Variants in RALYL observed in about 807,000 individuals in gnomAD.
RALYL encodes the protein RALY RNA binding protein like.
In RALYL, 29 loss-of-function variants were observed where a neutral mutation model predicts 35.1. The ratio of observed to expected loss-of-function variants is 0.83; its 90% CI spans 0.61 to 1.13. RALYL has a LOEUF of 1.13. RALYL is among the 50% of genes most tolerant of loss of function. The pLI, the probability that RALYL is intolerant of heterozygous loss-of-function variation, is 0.00. For synonymous variants in RALYL, 120 were observed against 127.6 expected (o/e 0.94, Z 0.40); for missense variants, 359 against 360.4 (o/e 1.00, Z 0.03).
chr8:84,289,484 T>G (rs1838336762), intron 1 of RALYL, among the ~76,000 whole-genome samples: 1 of 152,118 alleles, frequency 6.6e-6, no homozygotes, highest in African/African-American at 2.4e-5. Context: ...GCTAGGTGAG[T>G]GCAAGAATGT....
At chr8:84,484,274 C>A (rs1020727142) in intron 1 of RALYL, among the ~76,000 whole-genome samples, 1 of 151,956 alleles carries the variant, frequency 6.6e-6, no homozygotes, top group South Asian at 2.1e-4. Context: ...CTAAGAAAAC[C>A]ACAGCAAGAA....
chr8:84,404,566 G>T (rs558754024), intron 1 of RALYL, among the ~76,000 whole-genome samples: 8 of 152,100 alleles, frequency 5.3e-5, no homozygotes, highest in African/African-American at 1.9e-4. Context: ...TGCTGGATTT[G>T]GTTTGCCAGT....
At chr8:84,404,149 T>C (rs762182282) in intron 1 of RALYL, among the ~76,000 whole-genome samples, 6 of 152,214 alleles carry the variant, frequency 3.9e-5, no homozygotes, top group African/African-American at 9.6e-5. Flanking sequence ...CTCTTCCTAT[T>C]TGAATACGTT....
chr8:84,706,156 C>T (rs767836392), intron 2 of RALYL: 3 of 1,140,758 alleles, frequency 2.6e-6, no homozygotes, highest in Non-Finnish European at 3.8e-6. Flanking sequence ...CAGATACATC[C>T]TGGTAGTAGA....
At chr8:84,292,764 C>T (rs1434249651) in intron 1 of RALYL, among the ~76,000 whole-genome samples, 3 of 152,154 alleles carry the variant, frequency 2.0e-5, no homozygotes, top group Non-Finnish European at 2.9e-5. Flanking sequence ...GAATAATCCT[C>T]CCCTTGTTTA....
intron 4 of RALYL, among the ~76,000 whole-genome samples, chr8:84,834,935 C>G (rs1005320668): frequency 2.6e-5 from 4 of 152,050 alleles, no homozygotes; most frequent in Non-Finnish European, 2.9e-5. Context: ...GACTCATAAA[C>G]AGCCAAATAC....
chr8:84,248,280 A>AG (rs1037315037), intron 1 of RALYL, among the ~76,000 whole-genome samples: 3 of 152,232 alleles, frequency 2.0e-5, no homozygotes, highest in Admixed American at 6.5e-5. Context: ...ACAACATTTC[A>AG]GGGGGCTTAT....
At chr8:84,350,610 T>C (rs1850709318) in intron 1 of RALYL, among the ~76,000 whole-genome samples, 1 of 150,016 alleles carries the variant, frequency 6.7e-6, no homozygotes, top group Admixed American at 6.6e-5. Context: ...ACCAGGGCAC[T>C]AGTAAACTTC....
chr8:84,486,719 G>T (rs1315831247), intron 1 of RALYL, among the ~76,000 whole-genome samples: 2 of 151,994 alleles, frequency 1.3e-5, no homozygotes, highest in African/African-American at 4.8e-5. Context: ...ACAATAAGTG[G>T]TTACATTGAA....
chr8:84,779,432 GAACTC>G (rs1283228043), intron 3 of RALYL, among the ~76,000 whole-genome samples: 1 of 152,068 alleles, frequency 6.6e-6, no homozygotes, highest in Non-Finnish European at 1.5e-5. Context: ...TACTTGCAGG[GAACTC>G]AACTCAGTAA....
At chr8:84,670,583 C>T (rs960967987) in intron 2 of RALYL, among the ~76,000 whole-genome samples, 1 of 152,150 alleles carries the variant, frequency 6.6e-6, no homozygotes, top group African/African-American at 2.4e-5. Flanking sequence ...GCCTCACAAT[C>T]ATGGTGGAAG....
chr8:84,732,575 A>G (rs749642379), intron 2 of RALYL, among the ~76,000 whole-genome samples: 9 of 151,408 alleles, frequency 5.9e-5, no homozygotes, highest in Non-Finnish European at 1.0e-4. Flanking sequence ...TAAGAAATAT[A>G]AAATACATTT....
At chr8:84,419,252 T>C (rs1390726573) in intron 1 of RALYL, among the ~76,000 whole-genome samples, 1 of 152,164 alleles carries the variant, frequency 6.6e-6, no homozygotes, top group Admixed American at 6.6e-5. Context: ...TTGTTCACCA[T>C]AATTTATGAC....
intron 1 of RALYL, among the ~76,000 whole-genome samples, chr8:84,460,533 A>C (rs993366370): frequency 1.3e-5 from 2 of 151,706 alleles, no homozygotes; most frequent in African/African-American, 4.8e-5. Flanking sequence ...TTCAAGATAC[A>C]AGGTTAATTA....
chr8:84,514,327 A>G (rs1363061580), intron 1 of RALYL, among the ~76,000 whole-genome samples: 2 of 152,102 alleles, frequency 1.3e-5, no homozygotes, highest in African/African-American at 4.8e-5. Context: ...GGTCTCCAAT[A>G]TGTTTAAAAT....
At chr8:84,497,293 T>C (rs2056138243) in intron 1 of RALYL, among the ~76,000 whole-genome samples, 1 of 152,162 alleles carries the variant, frequency 6.6e-6, no homozygotes, top group Admixed American at 6.6e-5. Flanking sequence ...ATTTATTCAC[T>C]CAGGTCCATA....
chr8:84,834,089 A>C (rs1831469361), intron 4 of RALYL, among the ~76,000 whole-genome samples: 1 of 152,218 alleles, frequency 6.6e-6, no homozygotes, highest in African/African-American at 2.4e-5. Flanking sequence ...AATCATAAAA[A>C]TATCAACTGC....
chr8:84,451,689 A>C (rs1192484769), intron 1 of RALYL, among the ~76,000 whole-genome samples: 2 of 151,964 alleles, frequency 1.3e-5, no homozygotes, highest in East Asian at 3.9e-4. Flanking sequence ...ATAACAAATA[A>C]AATTTTGCAT....
intron 4 of RALYL, among the ~76,000 whole-genome samples, chr8:84,842,050 T>G (rs1833517809): frequency 6.6e-6 from 1 of 151,850 alleles, no homozygotes; most frequent in Non-Finnish European, 1.5e-5. Context: ...ACATCACAAT[T>G]AAAAGAACTA....
Sources: gnomAD v4.1 joint callset for allele counts (sites outside exome capture counted in the v4.1 genomes callset) on GRCh38, gnomAD v4.1.1 for gene constraint, MANE v1.5 for transcripts, NCBI Gene and HGNC (gene_info 2026-07-23, HGNC 2026-07-21) for gene names.